LEMD1: variants seen among roughly 807,000 people sequenced by gnomAD.
LEMD1 encodes LEM domain containing 1.
A neutral mutation model predicts 17.4 loss-of-function variants in LEMD1; 18 were observed. That is an observed-to-expected ratio of 1.04 (90% CI 0.72 to 1.54). The LOEUF is 1.54. LEMD1 is among the 40% of genes most tolerant of loss of function. The probability of loss-of-function intolerance (pLI) is 0.00; values close to 1 mark genes in which losing one functional copy is unlikely to be tolerated. For synonymous variants in LEMD1, 88 were observed against 77.8 expected, an observed-to-expected ratio of 1.13 and a Z score of -0.69; for missense variants, 195 against 210.4, an observed-to-expected ratio of 0.93 and a Z score of 0.45.
chr1:205,406,563 C>T (rs549547640), intron 4 of LEMD1, among the ~76,000 whole-genome samples: 3 of 152,320 alleles, frequency 2.0e-5, no homozygotes, highest in Admixed American at 6.5e-5. Context: ...GTCGGAAAAG[C>T]GCAGTATTCG....
intron 1 of LEMD1, among the ~76,000 whole-genome samples, chr1:205,444,405 G>A (rs1042404783): frequency 2.6e-5 from 4 of 152,020 alleles, no homozygotes; most frequent in African/African-American, 9.7e-5. Context: ...GAGCCAAGCA[G>A]AAGAGATGCC....
At chr1:205,412,811 T>A (rs948748807) in intron 4 of LEMD1, among the ~76,000 whole-genome samples, 1 of 152,162 alleles carries the variant, frequency 6.6e-6, no homozygotes, top group African/African-American at 2.4e-5. Context: ...AAAATATCGA[T>A]GTGGTTTTAT....
At chr1:205,387,188 C>T (rs1039440900) in intron 4 of LEMD1, 2 of 152,008 alleles carry the variant, frequency 1.3e-5, no homozygotes, top group South Asian at 4.2e-4. Flanking sequence ...GTAGAGTTCT[C>T]CTGCAGTATG....
chr1:205,445,229 C>A (rs990892773), intron 1 of LEMD1, among the ~76,000 whole-genome samples: 5 of 152,188 alleles, frequency 3.3e-5, no homozygotes, highest in Non-Finnish European at 7.3e-5. Context: ...CCTCCTTCCC[C>A]ACCCCTTCCC....
intron 1 of LEMD1, among the ~76,000 whole-genome samples, chr1:205,447,563 GC>G (rs1350303619): frequency 6.6e-6 from 1 of 152,068 alleles, no homozygotes; most frequent in African/African-American, 2.4e-5. Flanking sequence ...CTAAAATCAG[GC>G]CGATTTAAAA....
intron 4 of LEMD1, 111 bp downstream of exon 4, chr1:205,416,121 C>A: frequency 1.5e-6 from 1 of 660,770 alleles, no homozygotes; most frequent in Non-Finnish European, 2.5e-6. Flanking sequence ...GATTTTACCA[C>A]TATAACAGAA....
intron 4 of LEMD1, among the ~76,000 whole-genome samples, chr1:205,395,904 T>C (rs1664571013): frequency 6.6e-6 from 1 of 152,028 alleles, no homozygotes; most frequent in African/African-American, 2.4e-5. Context: ...TTATTAATAA[T>C]AAAATACATA....
chr1:205,445,533 T>G (rs886537106), intron 1 of LEMD1, among the ~76,000 whole-genome samples: 6 of 152,234 alleles, frequency 3.9e-5, no homozygotes, highest in Admixed American at 6.5e-5. Flanking sequence ...CCACAGACCC[T>G]AGCTTGCCAG....
At chr1:205,420,181 GGT>G (rs1194488254) in intron 2 of LEMD1, among the ~76,000 whole-genome samples, 4 of 152,136 alleles carry the variant, frequency 2.6e-5, no homozygotes, top group Non-Finnish European at 4.4e-5. Flanking sequence ...AGTGGGGCAT[GGT>G]GGTGTGCACC....
intron 1 of LEMD1, chr1:205,435,652 A>G (rs894072007): frequency 2.0e-5 from 3 of 152,238 alleles, no homozygotes; most frequent in Non-Finnish European, 2.9e-5. Context: ...TACCACCAAC[A>G]GGACATTCTT....
rs557994757 is a variant in LEMD1, at chr1:205,431,849, T to C, written c.-38-11275A>G. Among the ~76,000 whole-genome samples the C allele has an allele frequency of 4.8e-4, 73 of 152,272 alleles. 1 individual carries two copies. Among genetic ancestry groups the C allele is most frequent in the African/African-American group, 1.5e-3 (64 of 41,554 alleles). Reference sequence around the variant, plus strand: ...CTCCTGCCTCAGCCTCCAGAGTAGCTGGGACTACAGGTGCGTGCCACCACA... The same window carrying C: ...CTCCTGCCTCAGCCTCCAGAGTAGCCGGGACTACAGGTGCGTGCCACCACA... On this transcript the variant is annotated intron_variant, in intron 1 of 3. Transcript: ENST00000367154.
intron 1 of LEMD1, among the ~76,000 whole-genome samples, chr1:205,427,734 A>G (rs1358798422): frequency 6.6e-6 from 1 of 152,176 alleles, no homozygotes; most frequent in Non-Finnish European, 1.5e-5. Flanking sequence ...AGATAATAAA[A>G]GTGGAAGAAA....
intron 1 of LEMD1, chr1:205,437,757 T>A (rs533908009): frequency 6.6e-6 from 1 of 152,308 alleles, no homozygotes; most frequent in Admixed American, 6.5e-5. Context: ...CCCCTATTTA[T>A]AGTTGAGGAA....
chr1:205,408,498 CTTTCTT>C (rs1258372519), intron 4 of LEMD1, among the ~76,000 whole-genome samples: 1 of 121,694 alleles, frequency 8.2e-6, no homozygotes, highest in African/African-American at 3.3e-5. Flanking sequence ...TTCTTTCTTT[CTTTCTT>C]TTTTTTTTTT....
intron 1 of LEMD1, among the ~76,000 whole-genome samples, chr1:205,443,645 C>A (rs77319115): frequency 0.031 from 4,774 of 152,268 alleles, 114 homozygotes; most frequent in South Asian, 0.082. Flanking sequence ...GGTTATTCTG[C>A]TCAGATCTTT....
intron 4 of LEMD1, among the ~76,000 whole-genome samples, chr1:205,415,436 C>T (rs1558731879): frequency 6.8e-6 from 1 of 146,282 alleles, no homozygotes; most frequent in Non-Finnish European, 1.5e-5. Context: ...CATCAGGGGC[C>T]AAGAGGAAGA....
chr1:205,391,208 G>T (rs762015787), intron 4 of LEMD1, among the ~76,000 whole-genome samples: 1 of 152,070 alleles, frequency 6.6e-6, no homozygotes, highest in African/African-American at 2.4e-5. Context: ...TGGGGTAGAT[G>T]TACTTCTCTC....
intron 5 of LEMD1, 89 bp downstream of exon 5, chr1:205,384,199 C>A: frequency 1.4e-6 from 1 of 717,894 alleles, no homozygotes; most frequent in Non-Finnish European, 2.1e-6. Context: ...TCAGGCTAAA[C>A]CCTTCACAGA....
At chr1:205,405,757 C>T (rs934979686) in intron 4 of LEMD1, among the ~76,000 whole-genome samples, 22 of 151,236 alleles carry the variant, frequency 1.5e-4, no homozygotes, top group Middle Eastern at 3.4e-3. Flanking sequence ...AACTGCGTTC[C>T]TTTGGAGGAG....
Sources: allele counts gnomAD v4.1 joint callset (sites outside exome capture counted in the v4.1 genomes callset), GRCh38; gene constraint gnomAD v4.1.1; transcripts MANE v1.5; gene names NCBI Gene and HGNC (gene_info 2026-07-23, HGNC 2026-07-21).